Variants in GLRA2 observed in about 807,000 individuals in gnomAD.
GLRA2 encodes the protein glycine receptor subunit alpha-2.
GLRA2 carries 11 observed loss-of-function variants against 31.6 expected under a neutral mutation model. The ratio of observed to expected loss-of-function variants is 0.35; its 90% CI spans 0.22 to 0.58. GLRA2 has a LOEUF of 0.58. Ranked by LOEUF, GLRA2 falls within the 20% of genes least tolerant of loss-of-function variation. GLRA2 has a pLI of 0.84. For synonymous variants in GLRA2, 132 were observed against 134.0 expected (o/e 0.99, Z 0.10); for missense variants, 212 against 351.8 (o/e 0.60, Z 3.18).
the GLRA2 span, among the ~76,000 whole-genome samples, chrX:14,473,114 T>C: frequency 9.0e-6 from 1 of 110,807 alleles, no homozygotes; most frequent in African/African-American, 3.3e-5. Flanking sequence ...AGAGAGGAGA[T>C]TGGGGGGAAA....
At chrX:14,708,124 A>T (rs2091656790) in intron 8 of GLRA2, among the ~76,000 whole-genome samples, 1 of 111,367 alleles carries the variant, frequency 9.0e-6, no homozygotes, top group Non-Finnish European at 1.9e-5. Context: ...GAGCTTATTC[A>T]TCTCACAGAA....
rs760583127 is a variant in GLRA2 at position 14,560,797 on chromosome X, C to CAA, written c.203-13512_203-13511dup. On this transcript the variant is annotated intron_variant, in intron 2 of 8. Coordinates refer to ENST00000218075, the MANE Select transcript of GLRA2 (RefSeq NM_002063.4). ...TGGGGGACAGAGAGAGACCCTGTCT[C>CAA]AAAAAAAAAAAAAAAAAAAAAAAAA... Among the ~76,000 whole-genome samples, 338 of 41,053 alleles carry CAA rather than the reference C, an allele frequency of 8.2e-3. 4 individuals are homozygous for CAA. The highest frequency in any genetic ancestry group is 0.029 in the Middle Eastern group (1 of 35). 35.6% of individuals were successfully genotyped at this position (41,053 alleles called of 115,157 possible).
chrX:14,655,029 A>G (rs1314519483), intron 7 of GLRA2, among the ~76,000 whole-genome samples: 1 of 111,505 alleles, frequency 9.0e-6, no homozygotes, highest in Non-Finnish European at 1.9e-5. Context: ...AACATGTGGG[A>G]ATTATGGGAG....
chrX:14,468,341 A>G, the GLRA2 span, among the ~76,000 whole-genome samples: 1 of 111,791 alleles, frequency 8.9e-6, no homozygotes, highest in Non-Finnish European at 1.9e-5. Flanking sequence ...AGTTTTGTGG[A>G]AAAATGTTGC....
chrX:14,707,809 G>A (rs2091650043), intron 8 of GLRA2, among the ~76,000 whole-genome samples: 1 of 110,374 alleles, frequency 9.1e-6, no homozygotes, highest in African/African-American at 3.3e-5. Context: ...TTAGATGACA[G>A]TCTTTATTTT....
At chrX:14,591,945 C>T (rs1004115462) in intron 4 of GLRA2, among the ~76,000 whole-genome samples, 4 of 111,392 alleles carry the variant, frequency 3.6e-5, no homozygotes, top group African/African-American at 1.3e-4. Flanking sequence ...GAAGATGGCT[C>T]AGGGCATTGT....
the GLRA2 span, among the ~76,000 whole-genome samples, chrX:14,496,216 T>C: frequency 9.0e-6 from 1 of 111,535 alleles, no homozygotes; most frequent in Non-Finnish European, 1.9e-5. Context: ...AGAGGGACTG[T>C]TTCCCAAACA....
At chrX:14,691,649 C>A (rs2091363317) in intron 8 of GLRA2, among the ~76,000 whole-genome samples, 1 of 111,503 alleles carries the variant, frequency 9.0e-6, no homozygotes, top group African/African-American at 3.3e-5. Context: ...GGAGGGGCAC[C>A]AGCCTCTGTA....
At chrX:14,562,578 T>C (rs1830070031) in intron 2 of GLRA2, among the ~76,000 whole-genome samples, 1 of 112,039 alleles carries the variant, frequency 8.9e-6, no homozygotes, top group South Asian at 3.7e-4. Flanking sequence ...ACAACAGAAA[T>C]GTACTTTCTC....
At chrX:14,460,969 C>G in the GLRA2 span, among the ~76,000 whole-genome samples, 1 of 111,474 alleles carries the variant, frequency 9.0e-6, no homozygotes, top group Non-Finnish European at 1.9e-5. Context: ...GATTTTAGAT[C>G]TCTCCTGCTT....
chrX:14,527,586 GC>G (rs1165024546), upstream of GLRA2, among the ~76,000 whole-genome samples: 1 of 107,926 alleles, frequency 9.3e-6, no homozygotes, highest in Non-Finnish European at 1.9e-5. Flanking sequence ...CTGCACTCCA[GC>G]CCGGTGACAG....
intron 2 of GLRA2, among the ~76,000 whole-genome samples, chrX:14,562,542 A>G (rs757392892): frequency 2.7e-5 from 3 of 112,308 alleles, no homozygotes; most frequent in African/African-American, 9.7e-5. Context: ...CTACCATAAC[A>G]AAATACCACA....
At chrX:14,672,915 CAAG>C (rs1301785440) in intron 7 of GLRA2, among the ~76,000 whole-genome samples, 1 of 111,008 alleles carries the variant, frequency 9.0e-6, no homozygotes, top group African/African-American at 3.3e-5. Flanking sequence ...AGTGCCATGC[CAAG>C]AAGGGAAGGT....
the GLRA2 span, among the ~76,000 whole-genome samples, chrX:14,469,708 G>A: frequency 0.011 from 756 of 67,544 alleles, 1 homozygote; most frequent in Non-Finnish European, 0.015. Flanking sequence ...GGTGGGGGGA[G>A]GGGGGAGGGA....
chrX:14,530,172 G>T, intron 1 of GLRA2, 47 bp downstream of exon 1: 1 of 750,815 alleles, frequency 1.3e-6, no homozygotes, highest in Non-Finnish European at 2.1e-6. Context: ...GTTTAAAAGA[G>T]AATGTGTCAT....
At chrX:14,514,399 A>C in the GLRA2 span, among the ~76,000 whole-genome samples, 1 of 111,271 alleles carries the variant, frequency 9.0e-6, no homozygotes, top group Admixed American at 9.6e-5. Context: ...AACCTATGGA[A>C]ATAAAAAATA....
chrX:14,463,118 C>T, the GLRA2 span, among the ~76,000 whole-genome samples: 6 of 111,656 alleles, frequency 5.4e-5, no homozygotes, highest in East Asian at 8.5e-4. Context: ...AGCTGCAGGT[C>T]TGTTGGAGTT....
In GLRA2 at chrX:14,529,934, T is replaced by C. The variant is rs773557197; in HGVS notation, c.-124T>C. On this transcript the variant is annotated 5_prime_UTR_variant, in exon 1 of 9. Transcript: ENST00000218075. ...GCAAACTGTACAAAACCAAATCTCT[T>C]TTTGATTTTCAAGGAAACTAGGTTC... 5.3e-6 allele frequency: 3 copies of C among 570,504 alleles called. No individual in the cohort carries two copies. Among genetic ancestry groups the C allele is most frequent in the South Asian group, 4.9e-5 (2 of 40,962 alleles). 47.0% of individuals were successfully genotyped at this position (570,504 alleles called of 1,213,427 possible). A position where few individuals can be genotyped will look rare whatever the true frequency, so the allele number is the denominator to read the frequency against.
chrX:14,461,536 A>G, the GLRA2 span, among the ~76,000 whole-genome samples: 2 of 111,687 alleles, frequency 1.8e-5, no homozygotes, highest in African/African-American at 6.5e-5. Flanking sequence ...GTGCTCCTGT[A>G]TTGGGTGCAT....
Sources: allele counts gnomAD v4.1 joint callset (sites outside exome capture counted in the v4.1 genomes callset), GRCh38; gene constraint gnomAD v4.1.1; transcripts MANE v1.5; gene names NCBI Gene and HGNC (gene_info 2026-07-23, HGNC 2026-07-21).